CCNJL: variants seen among roughly 807,000 people sequenced by gnomAD.
CCNJL encodes the protein cyclin J like.
CCNJL carries 33 observed loss-of-function variants against 33.4 expected under a neutral mutation model. That is an observed-to-expected ratio of 0.99 (90% CI 0.75 to 1.32). The LOEUF is 1.32. Among genes scored for constraint, CCNJL ranks in the 40% most tolerant of loss-of-function variants. The pLI, the probability that CCNJL is intolerant of heterozygous loss-of-function variation, is 0.00. For synonymous variants in CCNJL, 227 were observed against 220.9 expected, an observed-to-expected ratio of 1.03 and a Z score of -0.24; for missense variants, 512 against 499.7, an observed-to-expected ratio of 1.02 and a Z score of -0.23.
In CCNJL at chr5:160,255,534, A is replaced by AG. The variant is rs747646923; in HGVS notation, c.743+14dup. 5.0e-6 allele frequency: 8 copies of AG among 1,613,136 alleles called. No homozygotes were observed. Among genetic ancestry groups the AG allele is most frequent in the Non-Finnish European group, 5.9e-6 (7 of 1,179,238 alleles). ...TCACTATTTCAGAAACACAGGATTCAGGGGAGAAACTTACACCAGCAGGAT... is the reference window on the plus strand; with the variant it reads ...TCACTATTTCAGAAACACAGGATTCAGGGGGAGAAACTTACACCAGCAGGAT... On this transcript the variant is annotated intron_variant, in intron 5 of 5. Coordinates refer to ENST00000257536, the MANE Select transcript of CCNJL (RefSeq NM_001308173.3).
chr5:160,326,770 C>A, intron 1 of CCNJL: 2 of 869,436 alleles, frequency 2.3e-6, no homozygotes, highest in African/African-American at 1.7e-5. Context: ...GATAAACTTA[C>A]AAAATAGATC....
chr5:160,334,942 G>A (rs954963956), intron 1 of CCNJL, among the ~76,000 whole-genome samples: 3 of 152,192 alleles, frequency 2.0e-5, no homozygotes, highest in Non-Finnish European at 2.9e-5. Flanking sequence ...CAACCATCAC[G>A]ACTGTGTCCT....
At chr5:160,282,966 A>AATATATATATACATATATAT (rs1554120708) in intron 2 of CCNJL, among the ~76,000 whole-genome samples, 1 of 43,392 alleles carries the variant, frequency 2.3e-5, no homozygotes, top group Non-Finnish European at 4.7e-5. Context: ...CAGTCCTTGG[A>AATATATATATACATATATAT]ATATATATAT....
chr5:160,268,079 G>A (rs1307094002), intron 3 of CCNJL, among the ~76,000 whole-genome samples: 1 of 152,152 alleles, frequency 6.6e-6, no homozygotes, highest in Non-Finnish European at 1.5e-5. Context: ...AACTCTCTTT[G>A]ACTTCTTGCA....
At chr5:160,283,990 A>G (rs1316306911) in intron 2 of CCNJL, among the ~76,000 whole-genome samples, 1 of 152,170 alleles carries the variant, frequency 6.6e-6, no homozygotes, top group Non-Finnish European at 1.5e-5. Context: ...CACTGTGTAT[A>G]TGTAGCACAT....
At chr5:160,337,214 C>T (rs1199238522) in intron 1 of CCNJL, among the ~76,000 whole-genome samples, 1 of 150,532 alleles carries the variant, frequency 6.6e-6, no homozygotes, top group East Asian at 1.9e-4. Flanking sequence ...CAGGTTTTCA[C>T]CATGTTGCCC....
rs552006835 is a variant in CCNJL, at chr5:160,252,181, T to C, written c.*1197A>G. ...GCTGCGAGTCAGAATAAAAACATAT[T>C]GCACATGGTTACAAGAGTCTTCCTG... On this transcript the variant is annotated 3_prime_UTR_variant, in exon 6 of 6. Coordinates refer to ENST00000257536, the MANE Select transcript of CCNJL (RefSeq NM_001308173.3). 48 of 152,774 alleles carry C rather than the reference T, an allele frequency of 3.1e-4. No individual in the cohort carries two copies. The highest frequency in any genetic ancestry group is 9.4e-4 in the African/African-American group (39 of 41,566). The allele number at this position is 152,774 out of a possible 1,614,324, so 9.5% of individuals were successfully genotyped here.
chr5:160,277,423 C>T (rs1762052324), intron 3 of CCNJL, among the ~76,000 whole-genome samples: 1 of 152,080 alleles, frequency 6.6e-6, no homozygotes, highest in South Asian at 2.1e-4. Flanking sequence ...ACAGGAAGAA[C>T]AAAAAGACAT....
intron 2 of CCNJL, among the ~76,000 whole-genome samples, chr5:160,287,218 GC>G (rs1170099320): frequency 6.6e-6 from 1 of 152,202 alleles, no homozygotes; most frequent in Non-Finnish European, 1.5e-5. Flanking sequence ...AGCTCAGCAA[GC>G]CTAGTGGCCC....
intron 2 of CCNJL, among the ~76,000 whole-genome samples, chr5:160,297,859 G>T (rs1185471838): frequency 6.6e-6 from 1 of 152,174 alleles, no homozygotes; most frequent in Non-Finnish European, 1.5e-5. Flanking sequence ...AAAACCAAAA[G>T]TTAACACAAA....
chr5:160,258,238 G>T, intron 4 of CCNJL: 1 of 652,178 alleles, frequency 1.5e-6, no homozygotes, highest in Non-Finnish European at 2.8e-6. Flanking sequence ...TTAAGACCGA[G>T]TCTCGCTGGT....
intron 3 of CCNJL, among the ~76,000 whole-genome samples, chr5:160,279,179 A>G (rs1385357970): frequency 2.0e-5 from 3 of 152,210 alleles, no homozygotes; most frequent in African/African-American, 7.2e-5. Flanking sequence ...TACAGGAGAA[A>G]GTGGGTGCCA....
At chr5:160,280,910 C>A in intron 2 of CCNJL, 172 bp from the exon 3 acceptor site, 1 of 700,058 alleles carries the variant, frequency 1.4e-6, no homozygotes, top group Non-Finnish European at 2.6e-6. Flanking sequence ...TATCTCCCAT[C>A]TGCTTTCACT....
Position 160,280,589 on chromosome 5 carries a change from A to G in CCNJL, c.216T>C (p.Asp72=). The G allele has an allele frequency of 6.2e-7, 1 of 1,613,524 alleles. No homozygotes were observed. The highest frequency in any genetic ancestry group is 1.1e-5 in the South Asian group (1 of 91,074). ...LAVYLLDHFM[D]RYNVTTSKQL... The stretch of plus-strand genomic sequence containing the variant: ...GCTTGGAGGTGGTGACGTTGTAGCG[A>G]TCCATGAAGTGGTCCAGCAGGTAGA... The change falls in exon 3 of 6, where the codon GAT becomes GAC. Residue 72 remains aspartate (D), a synonymous_variant. Coordinates refer to ENST00000257536, the MANE Select transcript of CCNJL (RefSeq NM_001308173.3).
chr5:160,253,684 C>G lies in CCNJL; in HGVS notation c.858G>C (p.Pro286=). ...GGGTGGTCGCTGGCTGGCCGAGGGC[C>G]GGGTAGGCTGGTGGCTGGAACAGCA... is the stretch of plus-strand genomic sequence containing the variant. ...TQVLFQPPAY[P]ALGQPATTLA... Residue 286 remains proline (P), a synonymous_variant, in exon 6 of 6, where the codon CCG becomes CCC. Transcript: ENST00000257536. 6.2e-7 allele frequency: 1 copy of G among 1,605,950 alleles called. No individual in the cohort carries two copies. The highest frequency in any genetic ancestry group is 1.1e-5 in the South Asian group (1 of 90,382).
chr5:160,334,858 T>A (rs939481205), intron 1 of CCNJL, among the ~76,000 whole-genome samples: 1 of 152,252 alleles, frequency 6.6e-6, no homozygotes, highest in Non-Finnish European at 1.5e-5. Flanking sequence ...GGGCTGATGA[T>A]GAGCCTTTCC....
chr5:160,268,034 G>T (rs781079766), intron 3 of CCNJL, among the ~76,000 whole-genome samples: 1 of 152,184 alleles, frequency 6.6e-6, no homozygotes, highest in Non-Finnish European at 1.5e-5. Flanking sequence ...TTGTACTAAA[G>T]GTGCTCCCCA....
At chr5:160,324,159 T>C (rs1242694759) in intron 1 of CCNJL, among the ~76,000 whole-genome samples, 4 of 152,238 alleles carry the variant, frequency 2.6e-5, no homozygotes, top group African/African-American at 9.6e-5. Flanking sequence ...ATACAAAGGG[T>C]ATGAATAGTT....
chr5:160,303,905 C>T (rs1453113689), intron 2 of CCNJL, among the ~76,000 whole-genome samples: 1 of 150,854 alleles, frequency 6.6e-6, no homozygotes. Context: ...GGGCACAGGG[C>T]CAGCTCCAAG....
Sources: allele counts gnomAD v4.1 joint callset (sites outside exome capture counted in the v4.1 genomes callset), GRCh38; gene constraint gnomAD v4.1.1; transcripts MANE v1.5; gene names NCBI Gene and HGNC (gene_info 2026-07-23, HGNC 2026-07-21).